NFIC: variants seen among roughly 807,000 people sequenced by gnomAD.
NFIC encodes nuclear factor 1 C-type.
NFIC carries 12 observed loss-of-function variants against 54.4 expected under a neutral mutation model. That is an observed-to-expected ratio of 0.22 (90% CI 0.14 to 0.36). The LOEUF (loss-of-function observed/expected upper bound fraction) is 0.36, where lower values mean the gene tolerates loss of function less well. NFIC is among the 10% of genes least tolerant of loss of function. The pLI, the probability that NFIC is intolerant of heterozygous loss-of-function variation, is 1.00. For missense variants in NFIC, 575 were observed against 718.2 expected (o/e 0.80, Z 2.28); for synonymous variants, 322 against 319.2 (o/e 1.01, Z -0.09).
chr19:3,443,664 C>CT (rs979145249), intron 6 of NFIC, among the ~76,000 whole-genome samples: 3 of 152,088 alleles, frequency 2.0e-5, no homozygotes, highest in Non-Finnish European at 2.9e-5. Context: ...ATGGAATCCT[C>CT]TAAGACAGAG....
chr19:3,370,480 CCT>C lies in NFIC; in HGVS notation c.30+3835_30+3836del, dbSNP rs3834984. ...GGGATTCTGGCAGAGTCAGCGTTCT[CCT>C]CTCTCTCTCTCTCTCTCTCTGTCTC... On this transcript the variant is annotated intron_variant, in intron 1 of 10. Coordinates refer to ENST00000443272, the MANE Select transcript of NFIC (RefSeq NM_001245002.2). This position sits in a 1 kb window ranked among gnomAD's most constrained non-coding sequence, Gnocchi z 5.2. Among the ~76,000 whole-genome samples, 43,845 of 145,472 alleles carry C rather than the reference CCT, an allele frequency of 0.3. 7,624 individuals carry two copies. Among genetic ancestry groups the C allele is most frequent in the African/African-American group, 0.51 (19,858 of 39,060 alleles).
At chr19:3,456,250 G>A (rs920130016) in intron 9 of NFIC, among the ~76,000 whole-genome samples, 69 of 152,180 alleles carry the variant, frequency 4.5e-4, no homozygotes, top group Non-Finnish European at 1.5e-4. Flanking sequence ...ATTCACGGGC[G>A]GTTTTGTGAA....
Position 3,435,184 on chromosome 19 carries a change from A to G in NFIC, c.935A>G (p.Asn312Ser). 6.2e-7 allele frequency: 1 copy of G among 1,605,946 alleles called. No homozygotes were observed. The highest frequency in any genetic ancestry group is 8.5e-7 in the Non-Finnish European group (1 of 1,176,526). Reference protein sequence around the residue: ...SPSSPTSSSRNWTEDMEGGIS... With the variant: ...SPSSPTSSSRSWTEDMEGGIS... The stretch of plus-strand genomic sequence containing the variant: ...AGCTCGCCCACGAGTAGCAGCCGCA[A>G]CTGGACGGAGGACATGGAAGGAGGT... The change falls in exon 6 of 11, where the codon AAC becomes AGC. Residue 312 changes from asparagine to serine, a missense_variant. Transcript: ENST00000443272.
intron 1 of NFIC, among the ~76,000 whole-genome samples, chr19:3,368,224 C>T (rs957388195): frequency 3.3e-5 from 5 of 152,126 alleles, no homozygotes; most frequent in Non-Finnish European, 7.4e-5. Flanking sequence ...TGGAAGGAGC[C>T]ATTTGGGAGG....
intron 2 of NFIC, among the ~76,000 whole-genome samples, chr19:3,405,362 C>T (rs914075832): frequency 6.6e-6 from 1 of 152,078 alleles, no homozygotes; most frequent in Non-Finnish European, 1.5e-5. Flanking sequence ...GTGTTTTTTC[C>T]TCTTTTGATT....
Position 3,464,493 on chromosome 19 carries a change from G to A in NFIC, c.*1724G>A, listed in dbSNP as rs542392289. 1.6e-5 allele frequency: 16 copies of A among 981,456 alleles called. No individual in the cohort carries two copies. The highest frequency in any genetic ancestry group is 3.6e-5 in the African/African-American group (2 of 56,022). 60.8% of individuals were successfully genotyped at this position (981,456 alleles called of 1,614,324 possible). ...GGGAGGGGGTGTTAGGTGTTTTAGG[G>A]CCACCGAGCTCAAACACAAGGACCC... On this transcript the variant is annotated 3_prime_UTR_variant, in exon 11 of 11. Transcript: ENST00000443272.
At chr19:3,439,841 A>G (rs1254551193) in intron 6 of NFIC, among the ~76,000 whole-genome samples, 1 of 151,342 alleles carries the variant, frequency 6.6e-6, no homozygotes, top group Non-Finnish European at 1.5e-5. Context: ...GGCACCCACC[A>G]CCATGCCCGG....
At position 3,462,867 on chromosome 19, in the gene NFIC, T is replaced by G. The variant is rs2082661686; in HGVS notation, c.*98T>G. 1.9e-6 allele frequency: 3 copies of G among 1,602,188 alleles called. No homozygotes were observed. Among genetic ancestry groups the G allele is most frequent in the Non-Finnish European group, 8.5e-7 (1 of 1,176,404 alleles). On this transcript the variant is annotated 3_prime_UTR_variant, in exon 11 of 11. Coordinates refer to ENST00000443272, the MANE Select transcript of NFIC (RefSeq NM_001245002.2). Reference sequence around the variant, plus strand: ...CCACGTTTTCGGTGGAAAATTAGAGTGAACAAGAACACCCCTGCCGACTCC... The same window carrying G: ...CCACGTTTTCGGTGGAAAATTAGAGGGAACAAGAACACCCCTGCCGACTCC...
chr19:3,448,054 G>A (rs2082399251), intron 6 of NFIC, among the ~76,000 whole-genome samples: 1 of 152,002 alleles, frequency 6.6e-6, no homozygotes, highest in African/African-American at 2.4e-5. Flanking sequence ...ACAGGCGTGA[G>A]CCCCTGCACC....
chr19:3,419,019 C>T (rs781385929), intron 2 of NFIC, among the ~76,000 whole-genome samples: 1 of 151,846 alleles, frequency 6.6e-6, no homozygotes, highest in South Asian at 2.1e-4. Context: ...TCCCTAGAGT[C>T]GTCAGATTCA....
chr19:3,371,852 TTTTTC>T (rs2081015724), intron 1 of NFIC, among the ~76,000 whole-genome samples: 1 of 151,804 alleles, frequency 6.6e-6, no homozygotes, highest in South Asian at 2.1e-4. Flanking sequence ...TTTCTGTTAG[TTTTTC>T]TTTTCTTTCT....
rs2082604206 is a variant in NFIC, at chr19:3,459,160, T to C, written c.1509+2525T>C. Among the ~76,000 whole-genome samples the C allele has an allele frequency of 6.6e-6, 1 of 151,934 alleles. No individual in the cohort carries two copies. The highest frequency in any genetic ancestry group is 2.4e-5 in the African/African-American group (1 of 41,354). On this transcript the variant is annotated intron_variant, in intron 10 of 10. Coordinates refer to ENST00000443272, the MANE Select transcript of NFIC (RefSeq NM_001245002.2). This position sits in a 1 kb window ranked among gnomAD's most constrained non-coding sequence, Gnocchi z 4.2. ...CCTCCTCTATTCCTGGCGGATTCGC[T>C]TCCCTCTGCCCCCTCCTCCCCCAAA...
Position 3,387,599 on chromosome 19 carries a change from A to AG in NFIC, c.562+5359dup, listed in dbSNP as rs1282302632. Among the ~76,000 whole-genome samples the AG allele has an allele frequency of 2.0e-5, 3 of 151,732 alleles. No homozygotes were observed. In the East Asian group the frequency reaches 5.8e-4, roughly 29 times the overall value. ...GGGCTGGGGGCCACTCTGGATGGGG[A>AG]GGGCTTCTCTGAGGAGGCGTCTTTG... On this transcript the variant is annotated intron_variant, in intron 2 of 10. Coordinates refer to ENST00000443272, the MANE Select transcript of NFIC (RefSeq NM_001245002.2).
rs2081166835 is a variant in NFIC at position 3,379,665 on chromosome 19, A to ATTTC, written c.31-2039_31-2036dup. 3.8e-4 allele frequency among the ~76,000 whole-genome samples: 32 copies of ATTTC among 83,658 alleles called. 1 individual carries two copies. The highest frequency in any genetic ancestry group is 9.4e-4 in the African/African-American group (18 of 19,098). The allele number at this position is 83,658 out of a possible 152,430, so 54.9% of individuals were successfully genotyped here. A position where few individuals can be genotyped will look rare whatever the true frequency, so the allele number is the denominator to read the frequency against. Reference sequence around the variant, plus strand: ...CCAGCCTCATTTTTCATTTTTTTTTATTTCTTTCTTTTTTTTTTTTTTTTT... The same window carrying ATTTC: ...CCAGCCTCATTTTTCATTTTTTTTTATTTCTTTCTTTCTTTTTTTTTTTTTTTTT... On this transcript the variant is annotated intron_variant, in intron 1 of 10. Transcript: ENST00000443272.
intron 2 of NFIC, among the ~76,000 whole-genome samples, chr19:3,404,290 G>A (rs2081607173): frequency 6.6e-6 from 1 of 151,672 alleles, no homozygotes. Context: ...CACCCCGGGT[G>A]GCGTTGACAC....
chr19:3,381,488 G>A (rs1038032210), intron 1 of NFIC, among the ~76,000 whole-genome samples: 1 of 152,088 alleles, frequency 6.6e-6, no homozygotes, highest in Non-Finnish European at 1.5e-5. Context: ...TCTGGGCGAT[G>A]GGTTCTTGCA....
intron 2 of NFIC, among the ~76,000 whole-genome samples, chr19:3,417,665 G>A (rs868481176): frequency 3.3e-4 from 44 of 134,708 alleles, no homozygotes; most frequent in African/African-American, 1.0e-3. Flanking sequence ...TCGCTCTGTC[G>A]CCCAGGCTGG....
chr19:3,469,090 T>A lies in NFIC; in HGVS notation c.*6321T>A, dbSNP rs1361566403. On this transcript the variant is annotated 3_prime_UTR_variant, in exon 11 of 11. Coordinates refer to ENST00000443272, the MANE Select transcript of NFIC (RefSeq NM_001245002.2). Reference sequence around the variant, plus strand: ...GGCTGTCATTATTTTGTTTATTTGTTCCCTATGCAAAAAAAAAATGAAAAT... The same window carrying A: ...GGCTGTCATTATTTTGTTTATTTGTACCCTATGCAAAAAAAAAATGAAAAT... 1 of 146,148 alleles carries A rather than the reference T, an allele frequency of 6.8e-6. No homozygotes were observed. Among genetic ancestry groups the A allele is most frequent in the Admixed American group, 6.9e-5 (1 of 14,566 alleles). The allele number at this position is 146,148 out of a possible 1,614,324, so 9.1% of individuals were successfully genotyped here. A position where few individuals can be genotyped will look rare whatever the true frequency, so the allele number is the denominator to read the frequency against.
At chr19:3,410,124 T>C (rs960570358) in intron 2 of NFIC, among the ~76,000 whole-genome samples, 5 of 151,952 alleles carry the variant, frequency 3.3e-5, no homozygotes, top group African/African-American at 1.2e-4. Flanking sequence ...CACTGCAAGC[T>C]CCGCCTCCCG....
Sources: allele counts gnomAD v4.1 joint callset (sites outside exome capture counted in the v4.1 genomes callset), GRCh38; gene constraint gnomAD v4.1.1; non-coding constraint Gnocchi (gnomAD v3.1); transcripts MANE v1.5; gene names NCBI Gene and HGNC (gene_info 2026-07-23, HGNC 2026-07-21).